Variants in LONRF3 observed in about 807,000 individuals in gnomAD.
The protein encoded by LONRF3 is LON peptidase N-terminal domain and ring finger 3.
In LONRF3, 19 loss-of-function variants were observed where a neutral mutation model predicts 51.7. That is an observed-to-expected ratio of 0.37 (90% CI 0.26 to 0.54). LONRF3 has a LOEUF of 0.54. Among genes scored for constraint, LONRF3 ranks in the 20% least tolerant of loss-of-function variants. LONRF3 has a pLI of 0.86. For synonymous variants in LONRF3, 265 were observed against 257.8 expected (o/e 1.03, Z -0.27); for missense variants, 521 against 623.9 (o/e 0.84, Z 1.76).
At chrX:119,014,451 A>G (rs1199650473) in intron 10 of LONRF3, 95 bp downstream of exon 10, 4 of 808,990 alleles carry the variant, frequency 4.9e-6, no homozygotes, top group East Asian at 6.5e-5. Flanking sequence ...CATTCAGCAC[A>G]TCGAATGCAG....
At position 119,006,139 on chromosome X, in the gene LONRF3, C is replaced by T. The variant is rs749457253; in HGVS notation, c.1434C>T (p.Val478=). 2.5e-6 allele frequency: 3 copies of T among 1,183,440 alleles called. No homozygotes were observed. The highest frequency in any genetic ancestry group is 3.4e-6 in the Non-Finnish European group (3 of 876,032). Residue 478 remains valine, a synonymous_variant, in exon 6 of 11, where the codon GTC becomes GTT. Coordinates refer to ENST00000371628, the MANE Select transcript of LONRF3 (RefSeq NM_001031855.3). ...ALCMRLFYEP[V]TTPCGHTFCL... ...ATTTCAGATTATTCTATGAGCCAGTCACAACACCTTGCGGGCATACTTTTT... is the reference window on the plus strand; with the variant it reads ...ATTTCAGATTATTCTATGAGCCAGTTACAACACCTTGCGGGCATACTTTTT...
Position 118,989,410 on chromosome X carries a change from C to G in LONRF3, c.1062C>G (p.Asp354Glu). The change falls in exon 4 of 11, where the codon GAC (aspartate) becomes GAG (glutamate). Residue 354 changes from aspartate (D) to glutamate (E), a missense_variant and splice_region_variant. Physicochemically the swap from Asp to Glu is conservative, Grantham distance 45. Coordinates refer to ENST00000371628, the MANE Select transcript of LONRF3 (RefSeq NM_001031855.3). ...NKRARCEAQR[D>E]NLELPHCSSQ... ...TATGTGGCCCTTTCTTCATCCAGGACAATCTGGAGCTCCCACATTGTTCTA... is the reference window on the plus strand; with the variant it reads ...TATGTGGCCCTTTCTTCATCCAGGAGAATCTGGAGCTCCCACATTGTTCTA... 6 of 1,210,230 alleles carry G rather than the reference C, an allele frequency of 5.0e-6. No individual in the cohort carries two copies. The highest frequency in any genetic ancestry group is 6.7e-6 in the Non-Finnish European group (6 of 894,905).
chrX:118,999,402 G>GC (rs1232527475), intron 5 of LONRF3, among the ~76,000 whole-genome samples: 1 of 112,052 alleles, frequency 8.9e-6, no homozygotes, highest in Non-Finnish European at 1.9e-5. Context: ...CTGCTTCCAG[G>GC]CAGAGCAATG....
chrX:118,975,721 A>T, intron 1 of LONRF3, 124 bp downstream of exon 1: 1 of 165,389 alleles, frequency 6.0e-6, no homozygotes, highest in Non-Finnish European at 9.7e-6. Context: ...GGACCCATGG[A>T]CTGTGGCGGG....
chrX:119,003,316 T>C (rs1924463248), intron 5 of LONRF3, among the ~76,000 whole-genome samples: 1 of 111,877 alleles, frequency 8.9e-6, no homozygotes, highest in South Asian at 3.7e-4. Flanking sequence ...TGCCAGCCAC[T>C]GTGCCTGGCT....
rs188802183 is a variant in LONRF3, at chrX:118,977,289, A to T, written c.818-1056A>T. Reference sequence around the variant, plus strand: ...ACTTAACTCTAGATCTCTAAGGCAGATTCCATACCTTTTAGCCATCCCCCA... The same window carrying T: ...ACTTAACTCTAGATCTCTAAGGCAGTTTCCATACCTTTTAGCCATCCCCCA... On this transcript the variant is annotated intron_variant, in intron 1 of 10. Transcript: ENST00000371628. Among the ~76,000 whole-genome samples, 9 of 111,178 alleles carry T rather than the reference A, an allele frequency of 8.1e-5. No individual in the cohort carries two copies. The East Asian group carries it at 2.6e-3, about 32-fold the overall frequency.
intron 5 of LONRF3, among the ~76,000 whole-genome samples, chrX:118,994,943 T>G (rs929736918): frequency 7.2e-5 from 8 of 111,769 alleles, no homozygotes; most frequent in Non-Finnish European, 1.3e-4. Context: ...AGACAGAAAG[T>G]CAACAAAGAA....
intron 10 of LONRF3, among the ~76,000 whole-genome samples, chrX:119,014,659 C>T (rs16995372): frequency 0.038 from 4,260 of 111,058 alleles, 232 homozygotes; most frequent in African/African-American, 0.13. Flanking sequence ...CCATGGGAGT[C>T]CAGATTCACA....
At chrX:119,017,488 G>A in intron 10 of LONRF3, 47 bp from the exon 11 acceptor site, 1 of 1,166,429 alleles carries the variant, frequency 8.6e-7, no homozygotes, top group Non-Finnish European at 1.2e-6. Context: ...GCAGACTGAT[G>A]TTCTTGGATG....
intron 3 of LONRF3, among the ~76,000 whole-genome samples, chrX:118,984,492 C>A (rs1483852962): frequency 1.8e-5 from 2 of 112,085 alleles, no homozygotes; most frequent in African/African-American, 6.5e-5. Context: ...GTCCATTTCC[C>A]AGCTAGCCTG....
At chrX:119,005,557 T>C (rs753874343) in intron 5 of LONRF3, among the ~76,000 whole-genome samples, 37 of 112,256 alleles carry the variant, frequency 3.3e-4, no homozygotes, top group African/African-American at 1.1e-3. Context: ...ATGAAAATTA[T>C]CTATATAAAA....
intron 5 of LONRF3, among the ~76,000 whole-genome samples, chrX:119,000,870 TCTCC>T (rs1349178528): frequency 2.0e-5 from 2 of 101,164 alleles, no homozygotes; most frequent in African/African-American, 7.2e-5. Flanking sequence ...CCTCCCTCTC[TCTCC>T]CTATTTCTCC....
chrX:118,981,988 G>A (rs143242087), intron 2 of LONRF3, among the ~76,000 whole-genome samples: 1 of 111,769 alleles, frequency 8.9e-6, no homozygotes, highest in African/African-American at 3.2e-5. Context: ...AGTTGCTAGT[G>A]TCCACCTGTC....
intron 5 of LONRF3, among the ~76,000 whole-genome samples, chrX:118,992,331 G>T (rs1923490057): frequency 9.0e-6 from 1 of 111,671 alleles, no homozygotes; most frequent in Non-Finnish European, 1.9e-5. Context: ...TGTTGGGGAG[G>T]GCACGGTGGA....
rs777461280 is a variant in LONRF3 at position 119,006,017 on chromosome X, C to T, written c.1416-104C>T. The T allele has an allele frequency of 5.5e-5, 25 of 451,024 alleles. No individual in the cohort carries two copies. The East Asian group carries it at 9.2e-4, about 17-fold the overall frequency. The allele number at this position is 451,024 out of a possible 1,213,427, so 37.2% of individuals were successfully genotyped here. On this transcript the variant is annotated intron_variant, in intron 5 of 10. Transcript: ENST00000371628. ...GACTTTTTAAAAAGAACTCCTCCCC[C>T]ACCCTAAAATATTCTAAATAATGCT...
intron 6 of LONRF3, among the ~76,000 whole-genome samples, chrX:119,006,737 C>T (rs1436111951): frequency 1.8e-5 from 2 of 110,974 alleles, no homozygotes; most frequent in South Asian, 3.8e-4. Context: ...TACAGGCGCC[C>T]GCCACCACGC....
At chrX:119,006,629 C>T (rs1384082524) in intron 6 of LONRF3, among the ~76,000 whole-genome samples, 1 of 109,149 alleles carries the variant, frequency 9.2e-6, no homozygotes, top group Non-Finnish European at 1.9e-5. Context: ...GCTCTGTCGC[C>T]CAGGCTGGAG....
chrX:118,994,872 C>T (rs965806873), intron 5 of LONRF3, among the ~76,000 whole-genome samples: 3 of 112,105 alleles, frequency 2.7e-5, no homozygotes, highest in African/African-American at 9.7e-5. Context: ...ATGAGATAGA[C>T]AGCAACACAA....
At chrX:118,993,976 G>A (rs909342689) in intron 5 of LONRF3, among the ~76,000 whole-genome samples, 1 of 112,123 alleles carries the variant, frequency 8.9e-6, no homozygotes, top group Non-Finnish European at 1.9e-5. Context: ...CAAATGCTGA[G>A]AGAATTTGCC....
Sources: allele counts gnomAD v4.1 joint callset (sites outside exome capture counted in the v4.1 genomes callset), GRCh38; gene constraint gnomAD v4.1.1; transcripts MANE v1.5; gene names NCBI Gene and HGNC (gene_info 2026-07-23, HGNC 2026-07-21).